The following TEC variants were observed in gnomAD, a reference collection of about 807,000 sequenced individuals.
TEC encodes tec protein tyrosine kinase, also known as tyrosine-protein kinase Tec.
A neutral mutation model predicts 93.0 loss-of-function variants in TEC; 72 were observed. That is an observed-to-expected ratio of 0.77 (90% CI 0.64 to 0.94). TEC has a LOEUF of 0.94. Among genes scored for constraint, TEC ranks in the 40% least tolerant of loss-of-function variants. The probability of loss-of-function intolerance (pLI) is 0.00; values close to 1 mark genes in which losing one functional copy is unlikely to be tolerated. For synonymous variants in TEC, 249 were observed against 247.7 expected (o/e 1.01, Z -0.05); for missense variants, 630 against 757.9 (o/e 0.83, Z 1.98).
chr4:48,203,685 C>A (rs1383609328), intron 2 of TEC, among the ~76,000 whole-genome samples: 2 of 152,062 alleles, frequency 1.3e-5, no homozygotes, highest in African/African-American at 4.8e-5. Context: ...ACCGGAGACA[C>A]AAAGAGCAGG....
chr4:48,254,694 G>C (rs897143610), intron 1 of TEC, among the ~76,000 whole-genome samples: 2 of 152,268 alleles, frequency 1.3e-5, no homozygotes, highest in Non-Finnish European at 2.9e-5. Flanking sequence ...CATCCAAAGA[G>C]TAGGTTGACG....
At chr4:48,239,758 A>AC (rs1188656859) in intron 1 of TEC, among the ~76,000 whole-genome samples, 2 of 152,124 alleles carry the variant, frequency 1.3e-5, no homozygotes, top group Non-Finnish European at 1.5e-5. Context: ...ACTTTCCTTA[A>AC]CAAAAAAAAA....
chr4:48,224,629 C>A (rs1723381182), intron 2 of TEC, among the ~76,000 whole-genome samples: 1 of 152,140 alleles, frequency 6.6e-6, no homozygotes, highest in Non-Finnish European at 1.5e-5. Context: ...TGGAAATACA[C>A]ATGAATTAAC....
chr4:48,238,024 T>C (rs1424596275), intron 1 of TEC, among the ~76,000 whole-genome samples: 1 of 152,236 alleles, frequency 6.6e-6, no homozygotes, highest in Non-Finnish European at 1.5e-5. Context: ...TCTTACCACA[T>C]ATTCTTCTGC....
chr4:48,141,658 C>T (rs549769074), intron 14 of TEC: 21 of 394,930 alleles, frequency 5.3e-5, no homozygotes, highest in African/African-American at 3.7e-4. Context: ...TAATCTTTAC[C>T]AATTGTCTTT....
intron 3 of TEC, among the ~76,000 whole-genome samples, chr4:48,172,430 A>G (rs531064544): frequency 2.1e-3 from 298 of 142,262 alleles, no homozygotes; most frequent in Non-Finnish European, 3.6e-3. Flanking sequence ...AATCAAAGGA[A>G]TGTACTTTTT....
intron 2 of TEC, among the ~76,000 whole-genome samples, chr4:48,198,553 A>ACC (rs1342573010): frequency 1.3e-5 from 2 of 152,210 alleles, no homozygotes; most frequent in African/African-American, 4.8e-5. Flanking sequence ...TTACCAATTT[A>ACC]CTACTCTTTG....
chr4:48,166,341 C>T (rs984426404), intron 7 of TEC, among the ~76,000 whole-genome samples: 1 of 152,142 alleles, frequency 6.6e-6, no homozygotes, highest in Non-Finnish European at 1.5e-5. Context: ...GGGTATTTGT[C>T]AAGTTGGAGG....
At position 48,170,279 on chromosome 4, in the gene TEC, G is replaced by A. The variant is rs372144767; in HGVS notation, c.423C>T (p.Pro141=). Residue 141 remains proline (P), a synonymous_variant, in exon 5 of 18, where the codon CCC becomes CCT. Transcript: ENST00000381501. ...QCCRQTEKLA[P]GCEKYNLFES... is the part of the protein sequence containing the mutation. ...CAAAAAGATTGTATTTTTCACATCC[G>A]GGTGCTAATTTTTCAGTTTGTCTAC... 4.8e-5 allele frequency: 77 copies of A among 1,593,348 alleles called. No individual in the cohort carries two copies. Among genetic ancestry groups the A allele is most frequent in the African/African-American group, 6.7e-5 (5 of 74,584 alleles).
intron 1 of TEC, among the ~76,000 whole-genome samples, chr4:48,256,377 A>C (rs1380066085): frequency 6.6e-6 from 1 of 151,752 alleles, no homozygotes; most frequent in Admixed American, 6.6e-5. Flanking sequence ...TGAGCCTAGG[A>C]GTTCGAGACC....
intron 5 of TEC, among the ~76,000 whole-genome samples, chr4:48,169,665 A>C (rs3792619): frequency 0.038 from 5,724 of 152,282 alleles, 301 homozygotes; most frequent in East Asian, 0.22. Context: ...TGGGTGTCCT[A>C]CTACAGCACT....
At chr4:48,152,818 T>C (rs894067085) in intron 9 of TEC, among the ~76,000 whole-genome samples, 2 of 152,220 alleles carry the variant, frequency 1.3e-5, no homozygotes, top group African/African-American at 4.8e-5. Flanking sequence ...TACTATTGTT[T>C]TTTTAACATC....
At chr4:48,146,472 T>C in intron 11 of TEC, 73 bp from the exon 12 acceptor site, 4 of 1,378,446 alleles carry the variant, frequency 2.9e-6, no homozygotes, top group Non-Finnish European at 4.1e-6. Context: ...TACAGGAAAC[T>C]CACTTAGAAA....
intron 4 of TEC, among the ~76,000 whole-genome samples, chr4:48,170,860 G>A (rs1431424997): frequency 2.0e-5 from 3 of 152,140 alleles, no homozygotes; most frequent in Admixed American, 2.0e-4. Flanking sequence ...AGGCCAGCCT[G>A]GCCAACATGG....
intron 11 of TEC, among the ~76,000 whole-genome samples, chr4:48,148,475 T>C (rs1269709682): frequency 6.6e-6 from 1 of 152,204 alleles, no homozygotes; most frequent in Non-Finnish European, 1.5e-5. Flanking sequence ...TGTTATTTTT[T>C]GGTATTCAGT....
chr4:48,160,061 G>A (rs559823435), intron 8 of TEC, among the ~76,000 whole-genome samples: 7 of 152,264 alleles, frequency 4.6e-5, no homozygotes, highest in South Asian at 2.1e-4. Flanking sequence ...CTCTAAGCAC[G>A]TTACATTTAT....
chr4:48,210,528 G>A (rs1722870100), intron 2 of TEC, among the ~76,000 whole-genome samples: 2 of 151,954 alleles, frequency 1.3e-5, no homozygotes, highest in Admixed American at 6.6e-5. Flanking sequence ...TGATGAGGAG[G>A]AGGAGGAGGA....
At chr4:48,208,224 G>A (rs980040624) in intron 2 of TEC, among the ~76,000 whole-genome samples, 11 of 152,136 alleles carry the variant, frequency 7.2e-5, no homozygotes, top group Non-Finnish European at 1.6e-4. Context: ...ATAATATTTG[G>A]CCATGAAAGG....
At chr4:48,149,817 A>G in intron 10 of TEC, 127 bp from the exon 11 acceptor site, 2 of 871,826 alleles carry the variant, frequency 2.3e-6, no homozygotes, top group Non-Finnish European at 1.6e-6. Context: ...CACAAATTTT[A>G]CTTTCCCCTT....
Sources: gnomAD v4.1 joint callset for allele counts (sites outside exome capture counted in the v4.1 genomes callset) on GRCh38, gnomAD v4.1.1 for gene constraint, MANE v1.5 for transcripts, NCBI Gene and HGNC (gene_info 2026-07-23, HGNC 2026-07-21) for gene names.